Variants in OTOGL observed in about 807,000 individuals in gnomAD.
OTOGL encodes otogelin like.
OTOGL carries 285 observed loss-of-function variants against 318.5 expected under a neutral mutation model. The ratio of observed to expected loss-of-function variants is 0.89; its 90% CI spans 0.81 to 0.99. The LOEUF (loss-of-function observed/expected upper bound fraction) is 0.99, where lower values mean the gene tolerates loss of function less well. OTOGL is among the 50% of genes least tolerant of loss of function. OTOGL has a pLI of 0.00. For missense variants in OTOGL, 2,899 were observed against 2,845.6 expected (o/e 1.02, Z -0.43); for synonymous variants, 987 against 936.5 (o/e 1.05, Z -0.99).
chr12:80,296,601 A>T (rs1164359910), intron 26 of OTOGL, among the ~76,000 whole-genome samples: 1 of 152,174 alleles, frequency 6.6e-6, no homozygotes, highest in East Asian at 1.9e-4. Flanking sequence ...CTTGGCTGGA[A>T]CAAAATTTTA....
chr12:80,146,454 T>G (rs1193444006), intron 1 of OTOGL, among the ~76,000 whole-genome samples: 40 of 151,716 alleles, frequency 2.6e-4, no homozygotes, highest in African/African-American at 6.8e-4. Flanking sequence ...GCTGGATTCG[T>G]TTTGCCAGTA....
intron 27 of OTOGL, among the ~76,000 whole-genome samples, chr12:80,302,311 C>G (rs1465753536): frequency 6.6e-6 from 1 of 152,178 alleles, no homozygotes; most frequent in African/African-American, 2.4e-5. Flanking sequence ...TGTAAAATTT[C>G]TGATTTGGCA....
At chr12:80,307,344 T>C (rs1279455260) in intron 29 of OTOGL, among the ~76,000 whole-genome samples, 5 of 151,464 alleles carry the variant, frequency 3.3e-5, no homozygotes, top group African/African-American at 1.2e-4. Context: ...GACGGGGTGG[T>C]GGCCGGGCAG....
intron 27 of OTOGL, among the ~76,000 whole-genome samples, chr12:80,297,480 A>T (rs1207123283): frequency 1.3e-5 from 2 of 151,624 alleles, no homozygotes; most frequent in Admixed American, 6.6e-5. Flanking sequence ...TAACATATGC[A>T]CGCCACCACG....
chr12:80,262,143 T>C, intron 19 of OTOGL, 50 bp downstream of exon 19: 2 of 1,525,786 alleles, frequency 1.3e-6, no homozygotes, highest in South Asian at 2.6e-5. Context: ...AGGGAAAAGT[T>C]CTATGTATTA....
intron 32 of OTOGL, 113 bp from the exon 33 acceptor site, chr12:80,318,433 T>C (rs1887107890): frequency 1.4e-6 from 1 of 722,112 alleles, no homozygotes; most frequent in East Asian, 3.4e-5. Flanking sequence ...GTGATAAATT[T>C]TTAATTGCTC....
intron 1 of OTOGL, among the ~76,000 whole-genome samples, chr12:80,161,131 G>C (rs944000956): frequency 3.9e-5 from 6 of 151,960 alleles, no homozygotes; most frequent in Non-Finnish European, 8.8e-5. Flanking sequence ...TGCGTTCAGG[G>C]TATACTGCTT....
chr12:80,254,307 A>G (rs1484817417), intron 14 of OTOGL, among the ~76,000 whole-genome samples: 1 of 152,066 alleles, frequency 6.6e-6, no homozygotes, highest in Non-Finnish European at 1.5e-5. Context: ...CAGCCAGCTC[A>G]AAATTACCAG....
chr12:80,339,080 A>G lies in OTOGL; in HGVS notation c.4866A>G (p.Glu1622=), dbSNP rs369910512. Residue 1622 remains glutamate, a synonymous_variant, in exon 43 of 59, where the codon GAA becomes GAG. Coordinates refer to ENST00000547103, the MANE Select transcript of OTOGL (RefSeq NM_001378609.3). ...GTGTATTTATGTTATTCTAGGTAGA[A>G]GTGGATTCCATTGTTGTGCCTTTGC... ...IIVNRLARKV[E]VDSIVVPLPF... is the part of the protein sequence containing the mutation. The G allele has an allele frequency of 5.0e-6, 8 of 1,602,030 alleles. No individual in the cohort carries two copies. In the African/African-American group the frequency reaches 8.0e-5, roughly 16 times the overall value.
At chr12:80,259,718 T>G (rs1003938562) in intron 18 of OTOGL, among the ~76,000 whole-genome samples, 2 of 152,150 alleles carry the variant, frequency 1.3e-5, no homozygotes, top group Non-Finnish European at 2.9e-5. Context: ...GAACTCATTC[T>G]TTTTCATGGC....
At chr12:80,148,283 T>G (rs1217403513) in intron 1 of OTOGL, among the ~76,000 whole-genome samples, 1 of 146,758 alleles carries the variant, frequency 6.8e-6, no homozygotes, top group Non-Finnish European at 1.5e-5. Flanking sequence ...TGCTTGTCTG[T>G]AAAGTATTTT....
rs756095261 is a variant in OTOGL at position 80,296,890 on chromosome 12, G to A, written c.2992G>A (p.Val998Ile). The change falls in exon 27 of 59, where the codon GTT (valine) becomes ATT (isoleucine). Residue 998 changes from valine to isoleucine, a missense_variant. This residue lies in a region of OTOGL where 2,607 missense variants were observed against 2,524.9 expected (regional missense o/e 1.03). Transcript: ENST00000547103. ...CAAGAAATGCTTTGACAACGATATT[G>A]TTTGTTCTAAAAGTGTTTTGATTTC... is the stretch of plus-strand genomic sequence containing the variant. ...QNKKCFDNDI[V>I]CSKSVLISVG... 9.1e-6 allele frequency: 14 copies of A among 1,534,292 alleles called. No individual in the cohort carries two copies. The highest frequency in any genetic ancestry group is 1.1e-5 in the Non-Finnish European group (13 of 1,141,834).
chr12:80,323,097 TACACACAC>T (rs200949284), intron 34 of OTOGL, among the ~76,000 whole-genome samples: 10,984 of 126,992 alleles, frequency 0.086, 1,117 homozygotes, highest in African/African-American at 0.25. Context: ...GAAAACCCAC[TACACACAC>T]ACACACACAC....
At chr12:80,113,950 T>C (rs1415007799) in intron 1 of OTOGL, among the ~76,000 whole-genome samples, 1 of 152,112 alleles carries the variant, frequency 6.6e-6, no homozygotes. Flanking sequence ...GCTTTTTTTT[T>C]CCTTTCACTT....
chr12:80,193,783 G>A (rs530459172), intron 1 of OTOGL, among the ~76,000 whole-genome samples: 1 of 152,296 alleles, frequency 6.6e-6, no homozygotes, highest in South Asian at 2.1e-4. Context: ...AGAATGACAA[G>A]GGTTAAGGAA....
chr12:80,345,911 T>A (rs555904476), intron 44 of OTOGL, among the ~76,000 whole-genome samples: 12 of 152,300 alleles, frequency 7.9e-5, no homozygotes, highest in Non-Finnish European at 1.6e-4. Context: ...TCATGATGAT[T>A]CAGTGATAAC....
intron 1 of OTOGL, among the ~76,000 whole-genome samples, chr12:80,126,678 C>A (rs926768392): frequency 1.3e-5 from 2 of 152,022 alleles, no homozygotes; most frequent in African/African-American, 4.8e-5. Flanking sequence ...GGAGTCTAAG[C>A]CTCTTTGTAG....
At chr12:80,255,297 T>A in intron 16 of OTOGL, 112 bp downstream of exon 16, 1 of 1,041,736 alleles carries the variant, frequency 9.6e-7, no homozygotes, top group African/African-American at 1.7e-5. Context: ...TCCTTAACAC[T>A]AAGATGACAT....
At chr12:80,318,323 C>T (rs760928965) in intron 32 of OTOGL, among the ~76,000 whole-genome samples, 27 of 152,040 alleles carry the variant, frequency 1.8e-4, no homozygotes, top group African/African-American at 3.6e-4. Flanking sequence ...CAACTGATCA[C>T]GTGTATATCA....
Sources: allele counts gnomAD v4.1 joint callset (sites outside exome capture counted in the v4.1 genomes callset), GRCh38; gene constraint gnomAD v4.1.1; regional missense constraint gnomAD v4.1.1; transcripts MANE v1.5; gene names NCBI Gene and HGNC (gene_info 2026-07-23, HGNC 2026-07-21).